Variants in FBXL17 observed in about 807,000 individuals in gnomAD.
FBXL17 encodes the protein F-box/LRR-repeat protein 17.
FBXL17 carries 22 observed loss-of-function variants against 66.2 expected under a neutral mutation model. The ratio of observed to expected loss-of-function variants is 0.33; its 90% CI spans 0.24 to 0.47. The LOEUF is 0.47. Among genes scored for constraint, FBXL17 ranks in the 20% least tolerant of loss-of-function variants. FBXL17 has a pLI of 1.00. For missense variants in FBXL17, 878 were observed against 948.2 expected (o/e 0.93, Z 0.97); for synonymous variants, 474 against 400.5 (o/e 1.18, Z -2.19).
At chr5:108,058,016 C>T (rs1747777368) in intron 6 of FBXL17, among the ~76,000 whole-genome samples, 2 of 152,118 alleles carry the variant, frequency 1.3e-5, no homozygotes, top group African/African-American at 2.4e-5. Flanking sequence ...CTATGTTGTG[C>T]AAAGTAGCAA....
intron 4 of FBXL17, among the ~76,000 whole-genome samples, chr5:108,288,587 T>C (rs985034613): frequency 6.6e-6 from 1 of 151,920 alleles, no homozygotes; most frequent in Non-Finnish European, 1.5e-5. Context: ...GTTATATAAA[T>C]ATATTGGAAG....
chr5:108,252,637 T>A (rs1276822491), intron 4 of FBXL17, among the ~76,000 whole-genome samples: 1 of 152,124 alleles, frequency 6.6e-6, no homozygotes, highest in African/African-American at 2.4e-5. Flanking sequence ...CCTAGGAACC[T>A]AATACCATTT....
intron 7 of FBXL17, among the ~76,000 whole-genome samples, chr5:107,932,861 G>C (rs1750776925): frequency 7.7e-6 from 1 of 130,054 alleles, no homozygotes; most frequent in Non-Finnish European, 1.8e-5. Context: ...CAACGAGCCA[G>C]CTAAGAAATA....
At chr5:108,151,001 G>C (rs918928106) in intron 6 of FBXL17, among the ~76,000 whole-genome samples, 8 of 151,938 alleles carry the variant, frequency 5.3e-5, no homozygotes, top group African/African-American at 1.9e-4. Context: ...TATTCCTTTT[G>C]GTTGTTACAT....
intron 4 of FBXL17, among the ~76,000 whole-genome samples, chr5:108,315,479 T>A (rs1301916883): frequency 1.3e-5 from 2 of 151,452 alleles, no homozygotes; most frequent in African/African-American, 4.8e-5. Flanking sequence ...AAAATATTTG[T>A]GTCAATAAAG....
chr5:108,144,360 C>T (rs923993094), intron 6 of FBXL17, among the ~76,000 whole-genome samples: 1 of 151,946 alleles, frequency 6.6e-6, no homozygotes, highest in African/African-American at 2.4e-5. Context: ...TTCTCATGGA[C>T]CAAAATAAAT....
chr5:108,164,356 G>C (rs1463651850), intron 6 of FBXL17, among the ~76,000 whole-genome samples: 1 of 152,106 alleles, frequency 6.6e-6, no homozygotes, highest in Non-Finnish European at 1.5e-5. Context: ...TATTACAAGA[G>C]GACCCTATTT....
At chr5:108,113,794 C>G (rs1750133880) in intron 6 of FBXL17, among the ~76,000 whole-genome samples, 1 of 152,110 alleles carries the variant, frequency 6.6e-6, no homozygotes, top group African/African-American at 2.4e-5. Context: ...TCATTCTATA[C>G]CATATATCCG....
Position 108,380,861 on chromosome 5 carries a change from G to C in FBXL17, c.831C>G (p.Asp277Glu), listed in dbSNP as rs1172679237. ...SEGAPTEAGG[D>E]AVRAGGTAPL... is the part of the protein sequence containing the mutation. ...GGGCGGTGCCCCCGGCTCGGACAGC[G>C]TCCCCGCCAGCTTCGGTGGGGGCAC... Residue 277 changes from aspartate to glutamate, a missense_variant, in exon 1 of 9, where the codon GAC (aspartate) becomes GAG (glutamate). Coordinates refer to ENST00000542267, the MANE Select transcript of FBXL17 (RefSeq NM_001163315.3). 8.0e-7 allele frequency: 1 copy of C among 1,244,942 alleles called. No homozygotes were observed. Among genetic ancestry groups the C allele is most frequent in the Non-Finnish European group, 1.0e-6 (1 of 987,982 alleles). The allele number at this position is 1,244,942 out of a possible 1,614,324, so 77.1% of individuals were successfully genotyped here.
intron 6 of FBXL17, among the ~76,000 whole-genome samples, chr5:108,064,692 C>T (rs745308468): frequency 6.6e-6 from 1 of 152,208 alleles, no homozygotes; most frequent in Non-Finnish European, 1.5e-5. Context: ...AGCTGAATTG[C>T]TAGTCTTGTC....
At chr5:107,975,669 A>G (rs576136230) in intron 7 of FBXL17, among the ~76,000 whole-genome samples, 1 of 152,278 alleles carries the variant, frequency 6.6e-6, no homozygotes, top group South Asian at 2.1e-4. Context: ...TAATGGCATT[A>G]GGATTAGCAT....
At chr5:108,330,068 G>A (rs1044729905) in intron 4 of FBXL17, among the ~76,000 whole-genome samples, 1 of 152,064 alleles carries the variant, frequency 6.6e-6, no homozygotes, top group African/African-American at 2.4e-5. Flanking sequence ...AGGCTATGGG[G>A]TTACAAAAAA....
intron 6 of FBXL17, among the ~76,000 whole-genome samples, chr5:108,069,405 C>T (rs143401091): frequency 1.9e-3 from 287 of 152,250 alleles, no homozygotes; most frequent in Middle Eastern, 6.8e-3. Flanking sequence ...AGTCAAACAA[C>T]ATATGGAATA....
At chr5:108,125,518 T>C (rs1750663644) in intron 6 of FBXL17, among the ~76,000 whole-genome samples, 2 of 152,102 alleles carry the variant, frequency 1.3e-5, no homozygotes, top group African/African-American at 4.8e-5. Context: ...AAATAAGAAC[T>C]TCCTAAATGA....
chr5:108,269,090 G>C (rs1179183562), intron 4 of FBXL17, among the ~76,000 whole-genome samples: 1 of 152,044 alleles, frequency 6.6e-6, no homozygotes, highest in Admixed American at 6.6e-5. Flanking sequence ...AAGGTTGTTT[G>C]TACAAATTCC....
At chr5:107,977,148 A>T (rs2112661482) in intron 7 of FBXL17, among the ~76,000 whole-genome samples, 1 of 152,334 alleles carries the variant, frequency 6.6e-6, no homozygotes, top group East Asian at 1.9e-4. Flanking sequence ...CATTGGAGAT[A>T]ACTCTTCCTG....
intron 7 of FBXL17, among the ~76,000 whole-genome samples, chr5:107,997,617 G>A (rs1202447785): frequency 6.6e-6 from 1 of 152,150 alleles, no homozygotes; most frequent in South Asian, 2.1e-4. Flanking sequence ...AGTTACAAAG[G>A]AGATGGTTTC....
At chr5:108,067,574 A>T (rs1278513427) in intron 6 of FBXL17, among the ~76,000 whole-genome samples, 2 of 152,196 alleles carry the variant, frequency 1.3e-5, no homozygotes, top group African/African-American at 4.8e-5. Flanking sequence ...ATGTCCTAGC[A>T]CTGGATTCAC....
At chr5:108,173,450 T>C (rs1258778323) in intron 6 of FBXL17, among the ~76,000 whole-genome samples, 2 of 152,082 alleles carry the variant, frequency 1.3e-5, no homozygotes, top group Admixed American at 1.3e-4. Flanking sequence ...TTTAATTTTG[T>C]GATGTAGTTA....
Sources: gnomAD v4.1 joint callset for allele counts (sites outside exome capture counted in the v4.1 genomes callset) on GRCh38, gnomAD v4.1.1 for gene constraint, MANE v1.5 for transcripts, NCBI Gene and HGNC (gene_info 2026-07-23, HGNC 2026-07-21) for gene names.